ENTREP2: variants seen among roughly 807,000 people sequenced by gnomAD.
ENTREP2 encodes the protein endosomal transmembrane epsin interactor 2, also known as protein ENTREP2.
At chr15:29,499,433 G>C in the ENTREP2 span, among the ~76,000 whole-genome samples, 1 of 152,026 alleles carries the variant, frequency 6.6e-6, no homozygotes, top group African/African-American at 2.4e-5. Flanking sequence ...GCCCAGGCTG[G>C]AGTGCAGTGG....
the ENTREP2 span, among the ~76,000 whole-genome samples, chr15:29,158,406 T>C: frequency 0.039 from 352 of 8,966 alleles, 21 homozygotes; most frequent in Non-Finnish European, 0.08. Context: ...TATCTCTGCC[T>C]TTTTTTTTTT....
chr15:29,536,919 G>A, the ENTREP2 span, among the ~76,000 whole-genome samples: 1 of 152,064 alleles, frequency 6.6e-6, no homozygotes, highest in Non-Finnish European at 1.5e-5. Flanking sequence ...GGGGAGGAAG[G>A]GATCTATCTA....
chr15:29,352,442 G>GT, the ENTREP2 span, among the ~76,000 whole-genome samples: 6 of 152,182 alleles, frequency 3.9e-5, no homozygotes, highest in African/African-American at 1.2e-4. Flanking sequence ...GTTTTTGACA[G>GT]TTGCCAAAGC....
chr15:29,281,210 A>G, the ENTREP2 span, among the ~76,000 whole-genome samples: 3 of 152,236 alleles, frequency 2.0e-5, no homozygotes, highest in Non-Finnish European at 1.5e-5. Flanking sequence ...TATTAGATAT[A>G]ATTTATAGAA....
At chr15:29,607,153 C>A in the ENTREP2 span, among the ~76,000 whole-genome samples, 2 of 152,152 alleles carry the variant, frequency 1.3e-5, no homozygotes, top group African/African-American at 4.8e-5. Context: ...ATTATCAAAT[C>A]TTTTATTTCA....
At chr15:29,570,588 T>C in the ENTREP2 span, 4 of 1,466,824 alleles carry the variant, frequency 2.7e-6, no homozygotes, top group East Asian at 3.0e-5. Flanking sequence ...ACTGCCACGA[T>C]GAGGCATCCG....
At chr15:29,140,364 G>A in the ENTREP2 span, among the ~76,000 whole-genome samples, 9 of 152,134 alleles carry the variant, frequency 5.9e-5, no homozygotes, top group African/African-American at 1.7e-4. Context: ...CCTCCTCCTC[G>A]CAGGAGCTTC....
the ENTREP2 span, among the ~76,000 whole-genome samples, chr15:29,159,975 C>T: frequency 0.44 from 67,571 of 152,174 alleles, 17,555 homozygotes; most frequent in East Asian, 0.69. Context: ...GAGCAGGAGG[C>T]GGCGCTCGCC....
the ENTREP2 span, among the ~76,000 whole-genome samples, chr15:29,640,458 G>C: frequency 2.6e-5 from 4 of 152,074 alleles, no homozygotes; most frequent in South Asian, 8.3e-4. Context: ...AGAAGTTTGA[G>C]ACTAGCCTGG....
the ENTREP2 span, among the ~76,000 whole-genome samples, chr15:29,472,470 CACAT>C: frequency 1.6e-3 from 193 of 122,360 alleles, no homozygotes; most frequent in African/African-American, 6.9e-3. Flanking sequence ...CACACACACA[CACAT>C]ATAAATTTGA....
At chr15:29,233,574 C>T in the ENTREP2 span, 1 of 607,690 alleles carries the variant, frequency 1.6e-6, no homozygotes, top group East Asian at 2.8e-5. Context: ...GTAATTTAGT[C>T]CACAAAATAC....
At chr15:29,159,802 T>TATA in the ENTREP2 span, among the ~76,000 whole-genome samples, 3 of 152,160 alleles carry the variant, frequency 2.0e-5, no homozygotes, top group South Asian at 2.1e-4. Context: ...ACTGGTGTAT[T>TATA]TATAATCCCT....
the ENTREP2 span, among the ~76,000 whole-genome samples, chr15:29,311,690 C>G: frequency 2.6e-5 from 4 of 151,760 alleles, no homozygotes; most frequent in Admixed American, 6.6e-5. Context: ...ACTCCATCCC[C>G]CCCCCAAAAA....
At chr15:29,589,288 T>C in the ENTREP2 span, among the ~76,000 whole-genome samples, 22 of 152,316 alleles carry the variant, frequency 1.4e-4, no homozygotes, top group Non-Finnish European at 2.5e-4. Context: ...GTTTTGTCTT[T>C]CCATAAAAAG....
At chr15:29,197,063 C>T in the ENTREP2 span, among the ~76,000 whole-genome samples, 3 of 152,200 alleles carry the variant, frequency 2.0e-5, no homozygotes, top group African/African-American at 7.2e-5. Flanking sequence ...CTGACTTTAT[C>T]CAGCTACAGG....
chr15:29,338,392 C>T, the ENTREP2 span, among the ~76,000 whole-genome samples: 1 of 148,072 alleles, frequency 6.8e-6, no homozygotes, highest in Non-Finnish European at 1.5e-5. Context: ...CGCCACTGCA[C>T]TCCAGCCTGG....
chr15:29,297,311 A>G, the ENTREP2 span, among the ~76,000 whole-genome samples: 2 of 152,220 alleles, frequency 1.3e-5, no homozygotes, highest in East Asian at 3.8e-4. Flanking sequence ...AGAACAGTGT[A>G]CGCATCATAG....
chr15:29,570,912 CGCCGGTGCCCGCGCCCAT>C, the ENTREP2 span, among the ~76,000 whole-genome samples: 2 of 143,936 alleles, frequency 1.4e-5, no homozygotes, highest in Non-Finnish European at 3.1e-5. Context: ...CCGCAGCCCC[CGCCGGTGCCCGCGCCCAT>C]GCCGCCGCCG....
chr15:29,403,208 G>C, the ENTREP2 span, among the ~76,000 whole-genome samples: 259 of 152,212 alleles, frequency 1.7e-3, 9 homozygotes, highest in Admixed American at 0.017. Flanking sequence ...GCTGCTCCTT[G>C]ATAGAGAATA....
Sources: allele counts gnomAD v4.1 joint callset (sites outside exome capture counted in the v4.1 genomes callset), GRCh38; gene constraint gnomAD v4.1.1; transcripts MANE v1.5; gene names NCBI Gene and HGNC (gene_info 2026-07-23, HGNC 2026-07-21).